DYNC2H1: variants seen among roughly 807,000 people sequenced by gnomAD.
The protein encoded by DYNC2H1 is dynein cytoplasmic 2 heavy chain 1.
DYNC2H1 carries 410 observed loss-of-function variants against 570.0 expected under a neutral mutation model. The observed-to-expected ratio is 0.72, with a 90% CI of 0.66 to 0.78. The LOEUF (loss-of-function observed/expected upper bound fraction) is 0.78. Ranked by LOEUF, DYNC2H1 falls within the 30% of genes least tolerant of loss-of-function variation. The pLI, the probability that DYNC2H1 is intolerant of heterozygous loss-of-function variation, is 0.00. For missense variants in DYNC2H1, 4,865 were observed against 5,046.4 expected (o/e 0.96, Z 1.09); for synonymous variants, 1,688 against 1,677.6 (o/e 1.01, Z -0.15).
intron 83 of DYNC2H1, among the ~76,000 whole-genome samples, chr11:103,396,763 T>TAC (rs1942415269): frequency 6.6e-6 from 1 of 152,088 alleles, no homozygotes; most frequent in Non-Finnish European, 1.5e-5. Flanking sequence ...ATAACCTGTA[T>TAC]ACACACACAC....
At chr11:103,142,054 C>T (rs1406015747) in intron 17 of DYNC2H1, among the ~76,000 whole-genome samples, 1 of 152,206 alleles carries the variant, frequency 6.6e-6, no homozygotes, top group African/African-American at 2.4e-5. Context: ...TTTTGAGGCC[C>T]ATTGGAAAAG....
At chr11:103,297,278 A>G (rs1304325903) in intron 75 of DYNC2H1, among the ~76,000 whole-genome samples, 3 of 152,150 alleles carry the variant, frequency 2.0e-5, no homozygotes, top group Non-Finnish European at 4.4e-5. Flanking sequence ...CAAAACCCCA[A>G]AAGTACAGTC....
chr11:103,383,562 C>T lies in DYNC2H1; in HGVS notation c.12157-16101C>T, dbSNP rs551130355. 2.6e-3 allele frequency among the ~76,000 whole-genome samples: 398 copies of T among 151,996 alleles called. 4 individuals are homozygous for T. The highest frequency in any genetic ancestry group is 8.9e-3 in the African/African-American group (367 of 41,418). ...AATCTTGGCTCACTGCAAGCTCTGC[C>T]TCCCGCGTTCACGCCATTCTCCTGC... On this transcript the variant is annotated intron_variant, in intron 83 of 88. Coordinates refer to ENST00000375735, the MANE Select transcript of DYNC2H1 (RefSeq NM_001377.3).
At chr11:103,352,275 A>G (rs969138622) in intron 82 of DYNC2H1, among the ~76,000 whole-genome samples, 4 of 151,896 alleles carry the variant, frequency 2.6e-5, no homozygotes, top group Non-Finnish European at 2.9e-5. Flanking sequence ...CCTTATTGTT[A>G]TATATAGCTT....
rs1859182634 is a variant in DYNC2H1 at position 103,129,793 on chromosome 11, C to T, written c.1953+788C>T. On this transcript the variant is annotated intron_variant, in intron 13 of 88. Coordinates refer to ENST00000375735, the MANE Select transcript of DYNC2H1 (RefSeq NM_001377.3). This position sits in a 1 kb window ranked among gnomAD's most constrained non-coding sequence, Gnocchi z 4.1. ...TTTTGAAGTCTGTATTTTTAGTCTT[C>T]ATAGACATGAAATGTTTGACAAAAA... 6.6e-6 allele frequency among the ~76,000 whole-genome samples: 1 copy of T among 152,168 alleles called. No individual in the cohort carries two copies. Among genetic ancestry groups the T allele is most frequent in the Non-Finnish European group, 1.5e-5 (1 of 68,028 alleles).
rs778772067 is a variant in DYNC2H1, at chr11:103,185,095, T to G, written c.6633+44T>G. 6 of 1,562,742 alleles carry G rather than the reference T, an allele frequency of 3.8e-6. No individual in the cohort carries two copies. Among genetic ancestry groups the G allele is most frequent in the South Asian group, 1.2e-5 (1 of 83,964 alleles). On this transcript the variant is annotated intron_variant, in intron 41 of 88. Transcript: ENST00000375735. This position sits in a 1 kb window ranked among gnomAD's most constrained non-coding sequence, Gnocchi z 4.5. ...CTATATTTAGTCAAAACTTTAACTTTTCATTAACTCTTAACTGCCAAAACA... is the reference window on the plus strand; with the variant it reads ...CTATATTTAGTCAAAACTTTAACTTGTCATTAACTCTTAACTGCCAAAACA...
Position 103,203,824 on chromosome 11 carries a change from AT to A in DYNC2H1, c.8311+49del. ...ATCAAATCAAACTGGTTTGTATGAA[AT>A]ATATATCATTTAATTTGCCTTATTT... On this transcript the variant is annotated intron_variant, in intron 51 of 88. Transcript: ENST00000375735. This position sits in a 1 kb window ranked among gnomAD's most constrained non-coding sequence, Gnocchi z 4.7. The A allele has an allele frequency of 8.0e-7, 1 of 1,257,580 alleles. No individual in the cohort carries two copies. The allele number at this position is 1,257,580 out of a possible 1,614,324, so 77.9% of individuals were successfully genotyped here. A position where few individuals can be genotyped will look rare whatever the true frequency, so the allele number is the denominator to read the frequency against.
chr11:103,386,468 A>G (rs1941877647), intron 83 of DYNC2H1, among the ~76,000 whole-genome samples: 2 of 151,966 alleles, frequency 1.3e-5, no homozygotes, highest in Non-Finnish European at 1.5e-5. Context: ...ACACACACAC[A>G]AAAGTATTTT....
intron 82 of DYNC2H1, among the ~76,000 whole-genome samples, chr11:103,345,310 C>T (rs1939687677): frequency 6.6e-6 from 1 of 152,038 alleles, no homozygotes; most frequent in South Asian, 2.1e-4. Context: ...GAAACAGTGC[C>T]ACTAGGAACG....
At position 103,243,753 on chromosome 11, in the gene DYNC2H1, C is replaced by T. The variant is rs368644023; in HGVS notation, c.9880C>T (p.His3294Tyr). The T allele has an allele frequency of 2.5e-6, 4 of 1,604,502 alleles. No individual in the cohort carries two copies. In the South Asian group the frequency reaches 3.4e-5, roughly 13 times the overall value. ...SSQATEWLKT[H>Y]LKDSRLEVIN... ...CCAAGCTACAGAGTGGTTAAAAACA[C>T]ATTTGAAAGACTCACGTTTAGAAGT... is the stretch of plus-strand genomic sequence containing the variant. Residue 3294 changes from histidine (H) to tyrosine (Y), a missense_variant, in exon 64 of 89, where the codon CAT becomes TAT. His to Tyr is a moderately conservative substitution (Grantham distance 83, BLOSUM62 2). This residue lies in a region of DYNC2H1 where 2,401 missense variants were observed against 2,454.6 expected (regional missense o/e 0.98). Coordinates refer to ENST00000375735, the MANE Select transcript of DYNC2H1 (RefSeq NM_001377.3). The surrounding 1 kb of genome is among the most constrained non-coding windows in gnomAD (Gnocchi z 4.8).
At chr11:103,301,748 G>T (rs930457980) in intron 75 of DYNC2H1, among the ~76,000 whole-genome samples, 1 of 151,830 alleles carries the variant, frequency 6.6e-6, no homozygotes, top group Admixed American at 6.6e-5. Flanking sequence ...TTTTCTGGTT[G>T]GCTATCTAGA....
intron 82 of DYNC2H1, among the ~76,000 whole-genome samples, chr11:103,337,763 C>T (rs1161051208): frequency 1.3e-5 from 2 of 152,116 alleles, no homozygotes; most frequent in African/African-American, 4.8e-5. Context: ...GTTTGAATTG[C>T]TTATATATTC....
At chr11:103,242,092 T>C (rs1452006328) in intron 63 of DYNC2H1, among the ~76,000 whole-genome samples, 2 of 152,098 alleles carry the variant, frequency 1.3e-5, no homozygotes, top group Non-Finnish European at 2.9e-5. Flanking sequence ...CCTCAGTGGA[T>C]GCCTGAAAGT....
At chr11:103,146,928 A>T (rs1311889728) in intron 18 of DYNC2H1, among the ~76,000 whole-genome samples, 2 of 152,110 alleles carry the variant, frequency 1.3e-5, no homozygotes, top group Non-Finnish European at 2.9e-5. Context: ...ATACTATTTC[A>T]TCGGTATTTT....
At chr11:103,198,927 T>A (rs1206428552) in intron 48 of DYNC2H1, among the ~76,000 whole-genome samples, 1 of 152,180 alleles carries the variant, frequency 6.6e-6, no homozygotes, top group Non-Finnish European at 1.5e-5. Context: ...TTTGAGCAAT[T>A]TTAAAGTTTT....
chr11:103,465,789 A>G lies in DYNC2H1; in HGVS notation c.12649-2800A>G, dbSNP rs1391151934. 6.6e-6 allele frequency among the ~76,000 whole-genome samples: 1 copy of G among 152,108 alleles called. No homozygotes were observed. The highest frequency in any genetic ancestry group is 1.5e-5 in the Non-Finnish European group (1 of 68,010). ...TAGTAGACTAGGAGAGCTTCCTTAT[A>G]TGGTGGTTTCAGTGCAGCATTTCTA... On this transcript the variant is annotated intron_variant, in intron 87 of 88. Coordinates refer to ENST00000375735, the MANE Select transcript of DYNC2H1 (RefSeq NM_001377.3). The surrounding 1 kb of genome is among the most constrained non-coding windows in gnomAD (Gnocchi z 4.9).
rs138446164 is a variant in DYNC2H1, at chr11:103,350,522, T to C, written c.12040-7721T>C. 2.7e-3 allele frequency among the ~76,000 whole-genome samples: 405 copies of C among 152,300 alleles called. 3 individuals are homozygous for C. Among genetic ancestry groups the C allele is most frequent in the African/African-American group, 9.3e-3 (387 of 41,578 alleles). On this transcript the variant is annotated intron_variant, in intron 82 of 88. Coordinates refer to ENST00000375735, the MANE Select transcript of DYNC2H1 (RefSeq NM_001377.3). Reference sequence around the variant, plus strand: ...AATGGTTTTTAACATTTTATTATTATGATATTTGCTTCATTTTATAGATAC... The same window carrying C: ...AATGGTTTTTAACATTTTATTATTACGATATTTGCTTCATTTTATAGATAC...
chr11:103,133,658 C>T lies in DYNC2H1; in HGVS notation c.2057C>T (p.Ala686Val). Reference protein sequence around the residue: ...QKLQNAAERLATENRKLRKWH... With the variant: ...QKLQNAAERLVTENRKLRKWH... The stretch of plus-strand genomic sequence containing the variant: ...CTCCAAAATGCTGCTGAACGGCTTG[C>T]CACTGAAAATAGAAAACTGAGAAAA... Residue 686 changes from alanine (A) to valine (V), a missense_variant, in exon 14 of 89, where the codon GCC becomes GTC. Ala to Val is a moderately conservative substitution (Grantham distance 64). Coordinates refer to ENST00000375735, the MANE Select transcript of DYNC2H1 (RefSeq NM_001377.3). This position sits in a 1 kb window ranked among gnomAD's most constrained non-coding sequence, Gnocchi z 4.8. 1 of 1,612,642 alleles carries T rather than the reference C, an allele frequency of 6.2e-7. No individual in the cohort carries two copies.
chr11:103,227,395 A>C (rs1363687277), intron 59 of DYNC2H1, among the ~76,000 whole-genome samples: 2 of 152,188 alleles, frequency 1.3e-5, no homozygotes, highest in Non-Finnish European at 1.5e-5. Context: ...ATTATAATTC[A>C]GTTCAAACAA....
Sources: allele counts gnomAD v4.1 joint callset (sites outside exome capture counted in the v4.1 genomes callset), GRCh38; gene constraint gnomAD v4.1.1; regional missense constraint gnomAD v4.1.1; non-coding constraint Gnocchi (gnomAD v3.1); transcripts MANE v1.5; gene names NCBI Gene and HGNC (gene_info 2026-07-23, HGNC 2026-07-21).